The following OR51B5 variants were observed in gnomAD, a reference collection of about 807,000 sequenced individuals.
OR51B5 encodes olfactory receptor 51B5.
For synonymous variants in OR51B5, 186 were observed against 144.8 expected (o/e 1.28, Z -2.04); for missense variants, 456 against 374.6 (o/e 1.22, Z -1.79).
intron 1 of OR51B5, chr11:5,449,437 G>A (rs1341265299): frequency 6.6e-6 from 1 of 152,392 alleles, no homozygotes; most frequent in Admixed American, 6.5e-5. Flanking sequence ...CATTAGACTG[G>A]GCAAGGGGTA....
At chr11:5,403,546 A>G (rs1470068521) in intron 1 of OR51B5, 1 of 468,654 alleles carries the variant, frequency 2.1e-6, no homozygotes, top group Admixed American at 2.4e-5. Context: ...CGCAGAGTGT[A>G]GCCAAAAACC....
intron 1 of OR51B5, among the ~76,000 whole-genome samples, chr11:5,354,345 AAGATAACTAGGATAACAATACATTTTAT>A (rs1426170770): frequency 6.6e-6 from 1 of 152,224 alleles, no homozygotes; most frequent in Non-Finnish European, 1.5e-5. Flanking sequence ...GGCTAGTATA[AAGATAACTAGGATAACAATACATTTTAT>A]AAATTCTGTA....
chr11:5,481,910 C>T (rs1474078259), intron 1 of OR51B5, among the ~76,000 whole-genome samples: 2 of 139,510 alleles, frequency 1.4e-5, no homozygotes, highest in African/African-American at 3.0e-5. Flanking sequence ...GAATCAATAT[C>T]ATGAAAATGG....
chr11:5,473,978 G>C (rs924619368), intron 1 of OR51B5, among the ~76,000 whole-genome samples: 13 of 151,888 alleles, frequency 8.6e-5, no homozygotes, highest in Admixed American at 2.6e-4. Flanking sequence ...GAATTCATCA[G>C]TAATTCCATC....
At chr11:5,478,210 C>A (rs1029272205) in intron 1 of OR51B5, among the ~76,000 whole-genome samples, 2 of 152,010 alleles carry the variant, frequency 1.3e-5, no homozygotes, top group African/African-American at 4.8e-5. Context: ...ACCCCTGAAC[C>A]CCGAGCAGCC....
At position 5,410,112 on chromosome 11, in the gene OR51B5, C is replaced by T. The variant is rs190621905; in HGVS notation, n.85-63202G>A. On this transcript the variant is annotated intron_variant and non_coding_transcript_variant, in intron 1 of 4. Transcript: ENST00000415970. ...AGAGTATTTGTTAGCAGCAAACCTGCGTTATATCAAATAAGTTCTTTAGTC... is the reference window on the plus strand; with the variant it reads ...AGAGTATTTGTTAGCAGCAAACCTGTGTTATATCAAATAAGTTCTTTAGTC... Among the ~76,000 whole-genome samples, 242 of 152,030 alleles carry T rather than the reference C, an allele frequency of 1.6e-3. 2 individuals carry two copies. Among genetic ancestry groups the T allele is most frequent in the South Asian group, 2.9e-3 (14 of 4,818 alleles).
intron 1 of OR51B5, among the ~76,000 whole-genome samples, chr11:5,465,402 C>T (rs1851124735): frequency 1.3e-5 from 2 of 151,838 alleles, no homozygotes; most frequent in South Asian, 2.1e-4. Context: ...TAAATGTCTT[C>T]TTTTGAGAAG....
intron 1 of OR51B5, among the ~76,000 whole-genome samples, chr11:5,394,550 A>T (rs1849840144): frequency 6.6e-6 from 1 of 152,202 alleles, no homozygotes; most frequent in Non-Finnish European, 1.5e-5. Context: ...AGCCTCTCTA[A>T]GCCTTTGAAA....
chr11:5,343,666 TCTC>T, upstream of OR51B5: 1 of 537,142 alleles, frequency 1.9e-6, no homozygotes, highest in Non-Finnish European at 3.2e-6. Context: ...AGTGATTGTT[TCTC>T]AAAATACATT....
At chr11:5,360,196 A>G (rs1335911534) in intron 1 of OR51B5, among the ~76,000 whole-genome samples, 1 of 128,094 alleles carries the variant, frequency 7.8e-6, no homozygotes, top group Admixed American at 7.8e-5. Flanking sequence ...CTACCATCAG[A>G]GTGAACAGGC....
At chr11:5,379,507 G>A (rs917743205) in intron 1 of OR51B5, among the ~76,000 whole-genome samples, 3 of 151,506 alleles carry the variant, frequency 2.0e-5, no homozygotes, top group African/African-American at 4.9e-5. Flanking sequence ...TAAAGTTCCA[G>A]TTTATTTTTT....
chr11:5,420,111 T>G (rs1461379598), intron 1 of OR51B5, among the ~76,000 whole-genome samples: 1 of 151,986 alleles, frequency 6.6e-6, no homozygotes, highest in African/African-American at 2.4e-5. Flanking sequence ...TCTTTTGTTA[T>G]TACATAAAAG....
chr11:5,372,685 G>A (rs1433948835), intron 1 of OR51B5, among the ~76,000 whole-genome samples: 1 of 152,156 alleles, frequency 6.6e-6, no homozygotes, highest in Non-Finnish European at 1.5e-5. Flanking sequence ...TATATGATCT[G>A]TAAATATTTT....
chr11:5,365,827 G>T (rs889276567), intron 1 of OR51B5, among the ~76,000 whole-genome samples: 2 of 152,196 alleles, frequency 1.3e-5, no homozygotes, highest in African/African-American at 4.8e-5. Context: ...TGCTTAGTAT[G>T]TGCTGGCTTG....
At chr11:5,393,790 C>T (rs1476234908) in intron 1 of OR51B5, among the ~76,000 whole-genome samples, 3 of 152,078 alleles carry the variant, frequency 2.0e-5, no homozygotes, top group Admixed American at 1.3e-4. Flanking sequence ...CTGAGGCTCA[C>T]AGAGGAAAGC....
intron 1 of OR51B5, among the ~76,000 whole-genome samples, chr11:5,460,743 C>T (rs7942825): frequency 0.041 from 6,256 of 152,256 alleles, 424 homozygotes; most frequent in African/African-American, 0.14. Flanking sequence ...ATCCTTTCAA[C>T]AGGGCTTTTG....
intron 1 of OR51B5, among the ~76,000 whole-genome samples, chr11:5,484,103 C>G (rs1292959437): frequency 6.6e-6 from 1 of 152,144 alleles, no homozygotes; most frequent in Admixed American, 6.5e-5. Flanking sequence ...TCTGCATGCT[C>G]CACCTGCAAA....
chr11:5,413,659 A>G (rs1456290004), intron 1 of OR51B5, among the ~76,000 whole-genome samples: 15 of 152,200 alleles, frequency 9.9e-5, no homozygotes, highest in African/African-American at 3.4e-4. Flanking sequence ...GAGCCAATGC[A>G]ATCAACTGGA....
intron 1 of OR51B5, among the ~76,000 whole-genome samples, chr11:5,424,189 T>A (rs944674405): frequency 6.6e-6 from 1 of 152,128 alleles, no homozygotes; most frequent in Non-Finnish European, 1.5e-5. Context: ...ACATAGGCAG[T>A]GGGAGCACAG....
Sources: gnomAD v4.1 joint callset for allele counts (sites outside exome capture counted in the v4.1 genomes callset) on GRCh38, gnomAD v4.1.1 for gene constraint, MANE v1.5 for transcripts, NCBI Gene and HGNC (gene_info 2026-07-23, HGNC 2026-07-21) for gene names.